Variants in MAP4K5 observed in about 807,000 individuals in gnomAD.
The protein encoded by MAP4K5 is mitogen-activated protein kinase kinase kinase kinase 5.
Under a neutral mutation model 135.6 loss-of-function variants are expected in MAP4K5, and 82 were observed. That is an observed-to-expected ratio of 0.60 (90% CI 0.51 to 0.73). The LOEUF is 0.73. MAP4K5 is among the 30% of genes least tolerant of loss of function. The pLI is 0.00. For synonymous variants in MAP4K5, 347 were observed against 335.0 expected, an observed-to-expected ratio of 1.04 and a Z score of -0.39; for missense variants, 907 against 1,010.9, an observed-to-expected ratio of 0.90 and a Z score of 1.39.
chr14:50,456,334 T>C lies in MAP4K5; in HGVS notation c.1015+182A>G, dbSNP rs535741611. 1.0e-4 allele frequency: 58 copies of C among 555,736 alleles called. No individual in the cohort carries two copies. In the East Asian group the frequency reaches 1.8e-3, roughly 17 times the overall value. 34.4% of individuals were successfully genotyped at this position (555,736 alleles called of 1,614,324 possible). A position where few individuals can be genotyped will look rare whatever the true frequency, so the allele number is the denominator to read the frequency against. ...GTCCATAACTGGAAAATAAAAATTA[T>C]TCAGAAATTACAAACCAAGGGAATT... On this transcript the variant is annotated intron_variant, in intron 14 of 32. Transcript: ENST00000682126.
At chr14:50,444,347 T>C (rs1268125724) in intron 18 of MAP4K5, among the ~76,000 whole-genome samples, 3 of 152,204 alleles carry the variant, frequency 2.0e-5, no homozygotes, top group Admixed American at 1.3e-4. Context: ...TCTTCCAGTA[T>C]ATACCCTTTA....
Position 50,437,960 on chromosome 14 carries a change from T to C in MAP4K5, c.1757A>G (p.His586Arg), listed in dbSNP as rs2036134899. The C allele has an allele frequency of 6.2e-7, 1 of 1,612,698 alleles. No homozygotes were observed. The highest frequency in any genetic ancestry group is 8.5e-7 in the Non-Finnish European group (1 of 1,179,002). Residue 586 changes from histidine (H) to arginine (R), a missense_variant, in exon 25 of 33, where the codon CAT becomes CGT. By Grantham distance (29) the His-to-Arg change is conservative. Around this residue, in one of 3 missense-constraint regions of MAP4K5, gnomAD observed 690 missense variants for 777.4 expected, o/e 0.89. Transcript: ENST00000682126. ...GGCAGCTAATCCTGGTTTTTTGGCA[T>C]GTTCAAACAAAGCTATAAGATTGTG... is the stretch of plus-strand genomic sequence containing the variant. Reference protein sequence around the residue: ...YSHNLIALFEHAKKPGLAAHI... With the variant: ...YSHNLIALFERAKKPGLAAHI...
chr14:50,470,346 T>C (rs2036929626), intron 9 of MAP4K5, among the ~76,000 whole-genome samples: 1 of 152,098 alleles, frequency 6.6e-6, no homozygotes, highest in African/African-American at 2.4e-5. Flanking sequence ...GCTAAAGTAG[T>C]AGTATTTCAC....
intron 3 of MAP4K5, among the ~76,000 whole-genome samples, chr14:50,491,008 AC>A: frequency 6.6e-6 from 1 of 152,146 alleles, no homozygotes; most frequent in Admixed American, 6.5e-5. Context: ...AGTCGGTTGC[AC>A]CCCTCGTGTA....
chr14:50,445,286 T>C, intron 17 of MAP4K5, 92 bp from the exon 18 acceptor site: 1 of 1,186,116 alleles, frequency 8.4e-7, no homozygotes. Flanking sequence ...TTCATTCTTC[T>C]ATACAGTTCA....
chr14:50,470,928 G>A (rs2036946538), intron 9 of MAP4K5, among the ~76,000 whole-genome samples: 1 of 152,030 alleles, frequency 6.6e-6, no homozygotes, highest in Non-Finnish European at 1.5e-5. Context: ...GAATAAAGAA[G>A]ATAAATATTG....
chr14:50,442,966 A>C (rs1302675714), intron 20 of MAP4K5, 150 bp from the exon 21 acceptor site: 1 of 561,110 alleles, frequency 1.8e-6, no homozygotes, highest in Non-Finnish European at 3.2e-6. Flanking sequence ...TTTTCACATC[A>C]TTAAACCCCT....
chr14:50,469,074 AAAAG>A (rs2036897951), intron 9 of MAP4K5, among the ~76,000 whole-genome samples: 1 of 152,214 alleles, frequency 6.6e-6, no homozygotes, highest in Admixed American at 6.5e-5. Flanking sequence ...GGCAAAAAGA[AAAAG>A]AATACCTAAA....
At chr14:50,431,694 A>G (rs552253442) in intron 28 of MAP4K5, among the ~76,000 whole-genome samples, 111 of 151,552 alleles carry the variant, frequency 7.3e-4, no homozygotes, top group African/African-American at 2.5e-3. Flanking sequence ...GCTATTGTGA[A>G]TAATGCTGCA....
At chr14:50,442,150 A>G (rs184485081) in intron 21 of MAP4K5, among the ~76,000 whole-genome samples, 12 of 152,162 alleles carry the variant, frequency 7.9e-5, no homozygotes, top group African/African-American at 2.7e-4. Flanking sequence ...CATTTTAAAA[A>G]AGTTATTTTA....
At chr14:50,535,601 G>A (rs1448451860), upstream of MAP4K5, among the ~76,000 whole-genome samples, 4 of 8,142 alleles carry the variant, frequency 4.9e-4, 1 homozygote, top group Non-Finnish European at 0.014. Context: ...ACTAATTAGG[G>A]CCACTTGTCT....
chr14:50,449,937 T>TTTGTTG (rs201405830), intron 14 of MAP4K5: 1 of 147,600 alleles, frequency 6.8e-6, no homozygotes, highest in Non-Finnish European at 1.5e-5. Context: ...ATATTACTTT[T>TTTGTTG]TTGTTGTTGT....
intron 3 of MAP4K5, among the ~76,000 whole-genome samples, chr14:50,503,068 A>G (rs1190502768): frequency 6.6e-6 from 1 of 151,872 alleles, no homozygotes; most frequent in Non-Finnish European, 1.5e-5. Flanking sequence ...TGTCGGAGAG[A>G]AAAAAGAACA....
chr14:50,474,288 G>A (rs2037044738), intron 9 of MAP4K5, among the ~76,000 whole-genome samples: 1 of 151,860 alleles, frequency 6.6e-6, no homozygotes, highest in African/African-American at 2.4e-5. Context: ...TATTTCGGGG[G>A]CTGAAATGGG....
chr14:50,439,867 A>G (rs895081587), intron 23 of MAP4K5, 146 bp downstream of exon 23: 2 of 865,070 alleles, frequency 2.3e-6, no homozygotes, highest in African/African-American at 3.6e-5. Context: ...TTCCCATTCT[A>G]GGTGGGTAGC....
intron 6 of MAP4K5, among the ~76,000 whole-genome samples, chr14:50,480,117 GA>G (rs1484515138): frequency 6.6e-6 from 1 of 151,880 alleles, no homozygotes; most frequent in Admixed American, 6.6e-5. Flanking sequence ...TTTAAAATTG[GA>G]AATAATCTTG....
chr14:50,455,173 T>C (rs531236524), intron 14 of MAP4K5, among the ~76,000 whole-genome samples: 1 of 152,044 alleles, frequency 6.6e-6, no homozygotes, highest in East Asian at 1.9e-4. Flanking sequence ...AAACTCAAGT[T>C]GAATCCATAC....
intron 1 of MAP4K5, among the ~76,000 whole-genome samples, chr14:50,556,406 T>TG (rs2038766031): frequency 1.3e-5 from 2 of 151,798 alleles, no homozygotes; most frequent in African/African-American, 4.8e-5. Context: ...TTTATAGAGA[T>TG]GGGGTCTTTG....
intron 28 of MAP4K5, among the ~76,000 whole-genome samples, chr14:50,433,033 T>C (rs1169767283): frequency 6.6e-6 from 1 of 152,120 alleles, no homozygotes; most frequent in Non-Finnish European, 1.5e-5. Context: ...GATGGGGTTT[T>C]ACCATGTTGG....
Sources: allele counts gnomAD v4.1 joint callset (sites outside exome capture counted in the v4.1 genomes callset), GRCh38; gene constraint gnomAD v4.1.1; regional missense constraint gnomAD v4.1.1; transcripts MANE v1.5; gene names NCBI Gene and HGNC (gene_info 2026-07-23, HGNC 2026-07-21).